Variants in MACROD2 observed in about 807,000 individuals in gnomAD.
MACROD2 encodes ADP-ribose glycohydrolase MACROD2.
In MACROD2, 36 loss-of-function variants were observed where a neutral mutation model predicts 70.4. The observed-to-expected ratio is 0.51, with a 90% CI of 0.39 to 0.68. The LOEUF (loss-of-function observed/expected upper bound fraction) is 0.68, where lower values mean the gene tolerates loss of function less well. MACROD2 is among the 30% of genes least tolerant of loss of function. MACROD2 has a pLI of 0.00. For synonymous variants in MACROD2, 172 were observed against 178.8 expected (o/e 0.96, Z 0.30); for missense variants, 496 against 538.4 (o/e 0.92, Z 0.78).
At chr20:15,268,349 T>A (rs2077315197) in intron 6 of MACROD2, among the ~76,000 whole-genome samples, 1 of 152,166 alleles carries the variant, frequency 6.6e-6, no homozygotes, top group African/African-American at 2.4e-5. Context: ...CAGATTAAAG[T>A]TTTATTTAAA....
At chr20:15,101,591 G>A (rs1195390927) in intron 5 of MACROD2, among the ~76,000 whole-genome samples, 2 of 115,136 alleles carry the variant, frequency 1.7e-5, no homozygotes, top group Admixed American at 1.8e-4. Flanking sequence ...TTGCTTTTCA[G>A]TGAAATTTAA....
intron 8 of MACROD2, among the ~76,000 whole-genome samples, chr20:15,513,287 C>T (rs961126357): frequency 1.5e-5 from 2 of 136,120 alleles, no homozygotes; most frequent in Middle Eastern, 3.5e-3. Context: ...AGAAAATCCC[C>T]TGTTTTCTAA....
At chr20:15,010,396 A>G (rs1038804472) in intron 5 of MACROD2, among the ~76,000 whole-genome samples, 1 of 152,222 alleles carries the variant, frequency 6.6e-6, no homozygotes, top group Non-Finnish European at 1.5e-5. Flanking sequence ...AAATAGCTTC[A>G]TGTTATTCTT....
chr20:15,445,784 A>G (rs1051038276), intron 7 of MACROD2, among the ~76,000 whole-genome samples: 18 of 152,148 alleles, frequency 1.2e-4, no homozygotes, highest in African/African-American at 4.3e-4. Context: ...TGGCTGGGAA[A>G]AATGAGACCC....
At chr20:15,573,764 C>T (rs2048407432) in intron 8 of MACROD2, among the ~76,000 whole-genome samples, 1 of 152,132 alleles carries the variant, frequency 6.6e-6, no homozygotes. Flanking sequence ...CCCCACCACA[C>T]ACCCTTATTC....
intron 3 of MACROD2, among the ~76,000 whole-genome samples, chr20:14,105,019 A>T (rs2054350095): frequency 6.6e-6 from 1 of 152,194 alleles, no homozygotes; most frequent in African/African-American, 2.4e-5. Flanking sequence ...GGGCTGGCTA[A>T]TCCTCATGTG....
At chr20:15,357,097 T>G (rs149385149) in intron 6 of MACROD2, among the ~76,000 whole-genome samples, 1 of 152,072 alleles carries the variant, frequency 6.6e-6, no homozygotes, top group African/African-American at 2.4e-5. Flanking sequence ...AATGAAACCA[T>G]CTCATCAAAG....
chr20:15,300,097 A>G (rs149562281), intron 6 of MACROD2, among the ~76,000 whole-genome samples: 43 of 152,254 alleles, frequency 2.8e-4, no homozygotes, highest in Non-Finnish European at 4.9e-4. Flanking sequence ...TGAACTTGAT[A>G]CGTAGGTACA....
chr20:16,017,866 C>G (rs2066949760), intron 15 of MACROD2, among the ~76,000 whole-genome samples: 1 of 152,096 alleles, frequency 6.6e-6, no homozygotes, highest in African/African-American at 2.4e-5. Context: ...AGATGCATGC[C>G]CCCATGACAG....
chr20:14,584,411 C>T (rs577222907), intron 4 of MACROD2, among the ~76,000 whole-genome samples: 3 of 152,102 alleles, frequency 2.0e-5, no homozygotes, highest in Non-Finnish European at 4.4e-5. Context: ...TAATTTGTCA[C>T]GATTCTGGAG....
chr20:15,681,546 T>C (rs1001110473), intron 8 of MACROD2, among the ~76,000 whole-genome samples: 11 of 152,350 alleles, frequency 7.2e-5, no homozygotes, highest in Admixed American at 2.6e-4. Context: ...ATTTGCATCA[T>C]CTGCATTAGG....
At chr20:15,160,600 G>T (rs2076341768) in intron 5 of MACROD2, among the ~76,000 whole-genome samples, 1 of 152,054 alleles carries the variant, frequency 6.6e-6, no homozygotes, top group Admixed American at 6.6e-5. Context: ...GAGAAAAATA[G>T]ACACGATCCC....
At chr20:15,171,002 C>T (rs2076418461) in intron 5 of MACROD2, among the ~76,000 whole-genome samples, 1 of 152,102 alleles carries the variant, frequency 6.6e-6, no homozygotes, top group Non-Finnish European at 1.5e-5. Context: ...TCATCTAAGA[C>T]CATGGAAAAT....
At chr20:13,996,333 C>T (rs1219017585) in intron 1 of MACROD2, 1 of 164,270 alleles carries the variant, frequency 6.1e-6, no homozygotes, top group Non-Finnish European at 1.3e-5. Flanking sequence ...CGGGTGTTTA[C>T]CCCTTGTCTA....
At chr20:15,093,502 A>G (rs927442510) in intron 5 of MACROD2, among the ~76,000 whole-genome samples, 1 of 152,030 alleles carries the variant, frequency 6.6e-6, no homozygotes, top group African/African-American at 2.4e-5. Flanking sequence ...TGCTCTACTC[A>G]TAGGTAAAGC....
chr20:14,547,585 G>T, intron 4 of MACROD2: 1 of 154,560 alleles, frequency 6.5e-6, no homozygotes, highest in South Asian at 2.0e-4. Context: ...TAGCCTGGTG[G>T]GACTGAGATA....
intron 9 of MACROD2, among the ~76,000 whole-genome samples, chr20:15,869,114 C>G (rs1258495273): frequency 1.3e-5 from 2 of 150,032 alleles, no homozygotes; most frequent in South Asian, 2.1e-4. Context: ...ATTTTTTAAC[C>G]ATAAAAACAA....
chr20:14,729,421 T>G lies in MACROD2; in HGVS notation c.418+44462T>G, dbSNP rs182153764. 2.0e-5 allele frequency among the ~76,000 whole-genome samples: 3 copies of G among 152,296 alleles called. No homozygotes were observed. The East Asian group carries it at 5.8e-4, about 29-fold the overall frequency. On this transcript the variant is annotated intron_variant, in intron 5 of 17. Transcript: ENST00000684519. ...TAACTGTTTAAGATATATGATTAGCTGGCTTGAAAATAAAGAAATTGTCTA... is the reference window on the plus strand; with the variant it reads ...TAACTGTTTAAGATATATGATTAGCGGGCTTGAAAATAAAGAAATTGTCTA...
At chr20:14,735,189 A>C (rs2071648342) in intron 5 of MACROD2, among the ~76,000 whole-genome samples, 1 of 152,200 alleles carries the variant, frequency 6.6e-6, no homozygotes, top group African/African-American at 2.4e-5. Flanking sequence ...ACTATGAAGA[A>C]AGTGAAAGGA....
Sources: allele counts gnomAD v4.1 joint callset (sites outside exome capture counted in the v4.1 genomes callset), GRCh38; gene constraint gnomAD v4.1.1; transcripts MANE v1.5; gene names NCBI Gene and HGNC (gene_info 2026-07-23, HGNC 2026-07-21).